Variants in UTRN observed in about 807,000 individuals in gnomAD.
The protein encoded by UTRN is dystrophin-related protein 1.
In UTRN, 283 loss-of-function variants were observed where a neutral mutation model predicts 463.9. The ratio of observed to expected loss-of-function variants is 0.61; its 90% confidence interval spans 0.55 to 0.67. The LOEUF (loss-of-function observed/expected upper bound fraction) is 0.67. Ranked by LOEUF, UTRN falls within the 30% of genes least tolerant of loss-of-function variation. The probability of loss-of-function intolerance (pLI) is 0.00; values close to 1 mark genes in which losing one functional copy is unlikely to be tolerated. For synonymous variants in UTRN, 1,442 were observed against 1,431.5 expected (o/e 1.01, Z -0.17); for missense variants, 3,922 against 4,084.3 (o/e 0.96, Z 1.08).
rs147309920 is a variant in UTRN, at chr6:144,466,914, C to T, written c.3066+4048C>T. Among the ~76,000 whole-genome samples, 5 of 152,322 alleles carry T rather than the reference C, an allele frequency of 3.3e-5. No individual in the cohort carries two copies. In the East Asian group the frequency reaches 9.6e-4, roughly 29 times the overall value. Reference sequence around the variant, plus strand: ...AGGCCCTTCCTTCTGGGTTCAGGCTCTCATGCAATCTCTTTCCCTGAAAAT... The same window carrying T: ...AGGCCCTTCCTTCTGGGTTCAGGCTTTCATGCAATCTCTTTCCCTGAAAAT... On this transcript the variant is annotated intron_variant, in intron 23 of 74. Transcript: ENST00000367545.
At chr6:144,420,023 G>GGGAA (rs1784697909) in intron 3 of UTRN, among the ~76,000 whole-genome samples, 1 of 151,876 alleles carries the variant, frequency 6.6e-6, no homozygotes, top group African/African-American at 2.4e-5. Flanking sequence ...GGAATCACGA[G>GGGAA]GGAAGGAAGG....
intron 65 of UTRN, among the ~76,000 whole-genome samples, chr6:144,812,903 A>G (rs774757668): frequency 1.3e-5 from 2 of 152,150 alleles, no homozygotes; most frequent in Non-Finnish European, 2.9e-5. Context: ...GTAAGTTTTC[A>G]TTGTTTTACG....
chr6:144,441,022 A>C (rs551131537), intron 13 of UTRN, among the ~76,000 whole-genome samples: 1 of 152,132 alleles, frequency 6.6e-6, no homozygotes, highest in African/African-American at 2.4e-5. Flanking sequence ...ATTACCTCCC[A>C]CTGGGTTCCT....
intron 2 of UTRN, among the ~76,000 whole-genome samples, chr6:144,303,545 GT>G (rs1805480312): frequency 6.6e-6 from 1 of 152,142 alleles, no homozygotes; most frequent in African/African-American, 2.4e-5. Context: ...GACTACTGCT[GT>G]TTTTCTCACA....
chr6:144,509,388 T>TACTC (rs1376921764), intron 34 of UTRN, among the ~76,000 whole-genome samples: 2 of 152,062 alleles, frequency 1.3e-5, no homozygotes, highest in African/African-American at 4.8e-5. Context: ...CATGTTCATA[T>TACTC]ACTCATAAAT....
intron 2 of UTRN, among the ~76,000 whole-genome samples, chr6:144,386,562 ATTATT>A (rs112904902): frequency 0.015 from 2,229 of 152,288 alleles, 57 homozygotes; most frequent in African/African-American, 0.05. Context: ...AAACCTTTCA[ATTATT>A]TTATTTATTA....
intron 2 of UTRN, among the ~76,000 whole-genome samples, chr6:144,336,194 G>T (rs1776706825): frequency 6.6e-6 from 1 of 152,172 alleles, no homozygotes; most frequent in Non-Finnish European, 1.5e-5. Flanking sequence ...GTGGTGGCCA[G>T]TGGAAGACAG....
At position 144,673,950 on chromosome 6, in the gene UTRN, T is replaced by C. The variant is rs139755312; in HGVS notation, c.7480-4456T>C. ...ATTCTTGGCTGATAGTTATTTTGTT[T>C]AGGGAGGCTAACAATAAGACCCCAA... On this transcript the variant is annotated intron_variant, in intron 51 of 74. Transcript: ENST00000367545. Among the ~76,000 whole-genome samples, 511 of 152,312 alleles carry C rather than the reference T, an allele frequency of 3.4e-3. 3 individuals are homozygous for C. The highest frequency in any genetic ancestry group is 0.012 in the African/African-American group (480 of 41,580).
intron 54 of UTRN, among the ~76,000 whole-genome samples, chr6:144,745,791 A>T (rs1238800399): frequency 1.3e-5 from 2 of 152,180 alleles, no homozygotes; most frequent in Non-Finnish European, 2.9e-5. Flanking sequence ...CCGTTCTGAA[A>T]TGAGTAGTGT....
intron 51 of UTRN, among the ~76,000 whole-genome samples, chr6:144,662,877 G>A (rs1021777504): frequency 1.3e-5 from 2 of 152,142 alleles, no homozygotes; most frequent in Admixed American, 6.5e-5. Context: ...TTGAATTTTG[G>A]AGACATCCAG....
intron 51 of UTRN, among the ~76,000 whole-genome samples, chr6:144,595,157 T>C (rs1803511345): frequency 6.6e-6 from 1 of 152,216 alleles, no homozygotes; most frequent in Admixed American, 6.5e-5. Flanking sequence ...AAGTGACATA[T>C]CAGTCCTCAG....
At chr6:144,634,788 T>C (rs921969575) in intron 51 of UTRN, among the ~76,000 whole-genome samples, 5 of 152,214 alleles carry the variant, frequency 3.3e-5, no homozygotes, top group South Asian at 2.1e-4. Flanking sequence ...TTAATGACTG[T>C]CTTTTTTCAC....
chr6:144,542,706 T>C, intron 45 of UTRN, 89 bp from the exon 46 acceptor site: 2 of 1,331,492 alleles, frequency 1.5e-6, no homozygotes, highest in South Asian at 1.4e-5. Context: ...GTAGCAGAGC[T>C]GCCATTCAGA....
At chr6:144,625,308 A>G (rs1367537960) in intron 51 of UTRN, among the ~76,000 whole-genome samples, 1 of 152,194 alleles carries the variant, frequency 6.6e-6, no homozygotes. Context: ...TATTTTAGAT[A>G]CCCTTACTGG....
At chr6:144,686,287 A>G (rs1782750712) in intron 52 of UTRN, among the ~76,000 whole-genome samples, 1 of 152,108 alleles carries the variant, frequency 6.6e-6, no homozygotes, top group Non-Finnish European at 1.5e-5. Context: ...ATTTTTAAAA[A>G]TTAATTGAGA....
chr6:144,530,120 C>T (rs1032016676), intron 41 of UTRN, among the ~76,000 whole-genome samples: 3 of 152,174 alleles, frequency 2.0e-5, no homozygotes, highest in Admixed American at 6.5e-5. Flanking sequence ...TTAATCTGCT[C>T]AGGCAGCCGT....
intron 65 of UTRN, among the ~76,000 whole-genome samples, chr6:144,820,199 C>T (rs73596526): frequency 0.025 from 3,869 of 152,060 alleles, 162 homozygotes; most frequent in African/African-American, 0.087. Flanking sequence ...GTCCATATCA[C>T]CCTAAATGAT....
At chr6:144,416,172 G>A (rs922778448) in intron 3 of UTRN, among the ~76,000 whole-genome samples, 2 of 152,058 alleles carry the variant, frequency 1.3e-5, no homozygotes, top group African/African-American at 4.8e-5. Flanking sequence ...ATGTGGTCAT[G>A]CTCTATGCAG....
intron 3 of UTRN, among the ~76,000 whole-genome samples, chr6:144,419,846 A>G (rs1784674374): frequency 6.6e-6 from 1 of 151,964 alleles, no homozygotes; most frequent in East Asian, 1.9e-4. Flanking sequence ...TGTAATTGTT[A>G]TTTTCTAAAA....
Sources: allele counts gnomAD v4.1 joint callset (sites outside exome capture counted in the v4.1 genomes callset), GRCh38; gene constraint gnomAD v4.1.1; transcripts MANE v1.5; gene names NCBI Gene and HGNC (gene_info 2026-07-23, HGNC 2026-07-21).